Variants in FILIP1L observed in about 807,000 individuals in gnomAD.
The protein encoded by FILIP1L is filamin A interacting protein 1 like, also known as filamin A-interacting protein 1-like.
FILIP1L carries 55 observed loss-of-function variants against 96.6 expected under a neutral mutation model. The ratio of observed to expected loss-of-function variants is 0.57; its 90% CI spans 0.46 to 0.71. The LOEUF is 0.71. FILIP1L is among the 30% of genes least tolerant of loss of function. The pLI is 0.00. For missense variants in FILIP1L, 1,304 were observed against 1,321.2 expected (o/e 0.99, Z 0.20); for synonymous variants, 467 against 473.9 (o/e 0.99, Z 0.19).
intron 1 of FILIP1L, among the ~76,000 whole-genome samples, chr3:100,107,971 T>A (rs1454352573): frequency 6.6e-6 from 1 of 151,840 alleles, no homozygotes; most frequent in East Asian, 1.9e-4. Flanking sequence ...GTCAAGAAAA[T>A]TTCTGGTTTA....
intron 1 of FILIP1L, among the ~76,000 whole-genome samples, chr3:100,083,868 C>G (rs1382199036): frequency 6.6e-6 from 1 of 152,128 alleles, no homozygotes; most frequent in Non-Finnish European, 1.5e-5. Context: ...GCCACGGTGC[C>G]TGGCGTGATT....
In FILIP1L at chr3:99,832,105, T is replaced by G. The variant is rs145744825; in HGVS notation, c.3382-1500A>C. On this transcript the variant is annotated intron_variant, in intron 5 of 5. Transcript: ENST00000477258. ...GAAGGTTACTGGGCTCCTACTTGTT[T>G]CTACACCATTGATGTGCAAGCTTTT... 4.6e-3 allele frequency among the ~76,000 whole-genome samples: 695 copies of G among 152,352 alleles called. 2 individuals are homozygous for G. Among genetic ancestry groups the G allele is most frequent in the South Asian group, 7.0e-3 (34 of 4,828 alleles).
At chr3:100,073,903 A>C (rs1214210383) in intron 1 of FILIP1L, among the ~76,000 whole-genome samples, 4 of 152,000 alleles carry the variant, frequency 2.6e-5, no homozygotes, top group Admixed American at 6.5e-5. Context: ...CTTCCCTTTG[A>C]TTGCCCACTG....
chr3:100,102,172 T>A (rs1476228857), intron 1 of FILIP1L, among the ~76,000 whole-genome samples: 1 of 152,182 alleles, frequency 6.6e-6, no homozygotes, highest in African/African-American at 2.4e-5. Context: ...TATTTCTAGT[T>A]CTAGATCCCT....
intron 1 of FILIP1L, among the ~76,000 whole-genome samples, chr3:99,938,705 T>C (rs1707767074): frequency 6.6e-6 from 1 of 152,130 alleles, no homozygotes; most frequent in African/African-American, 2.4e-5. Flanking sequence ...TTATGGTAAA[T>C]GTGATTCATC....
intron 1 of FILIP1L, among the ~76,000 whole-genome samples, chr3:100,042,586 A>G (rs1329025274): frequency 6.6e-6 from 1 of 152,252 alleles, no homozygotes; most frequent in Non-Finnish European, 1.5e-5. Context: ...TATGGTTCAG[A>G]CATTGTTAAC....
chr3:100,069,211 G>A (rs539592140), intron 1 of FILIP1L, among the ~76,000 whole-genome samples: 21 of 152,178 alleles, frequency 1.4e-4, no homozygotes, highest in African/African-American at 4.3e-4. Context: ...CTTTAAAAAG[G>A]TGCAATTCTA....
intron 4 of FILIP1L, among the ~76,000 whole-genome samples, chr3:99,899,688 C>T (rs1486387191): frequency 2.6e-5 from 4 of 152,184 alleles, no homozygotes; most frequent in Non-Finnish European, 2.9e-5. Flanking sequence ...GGACTCCCAC[C>T]TCCTTGATTG....
chr3:99,865,478 T>A (rs1233354742), intron 4 of FILIP1L, among the ~76,000 whole-genome samples: 3 of 152,210 alleles, frequency 2.0e-5, no homozygotes, highest in Non-Finnish European at 2.9e-5. Flanking sequence ...TCCTATAGGT[T>A]CATGGCTACT....
chr3:99,833,532 C>T (rs1195067585), intron 5 of FILIP1L, among the ~76,000 whole-genome samples: 1 of 152,126 alleles, frequency 6.6e-6, no homozygotes, highest in Non-Finnish European at 1.5e-5. Context: ...CACAAATATA[C>T]CAGAACAAAA....
At chr3:99,893,163 T>C (rs1706140613) in intron 4 of FILIP1L, among the ~76,000 whole-genome samples, 1 of 79,146 alleles carries the variant, frequency 1.3e-5, no homozygotes, top group South Asian at 4.6e-4. Context: ...GCATCTAGAC[T>C]TTTTTTTTTT....
intron 4 of FILIP1L, among the ~76,000 whole-genome samples, chr3:99,862,241 G>A (rs1203756563): frequency 6.6e-6 from 1 of 152,056 alleles, no homozygotes; most frequent in Non-Finnish European, 1.5e-5. Flanking sequence ...AAAAATAAGT[G>A]CTACTTGCTT....
intron 4 of FILIP1L, among the ~76,000 whole-genome samples, chr3:99,863,244 TC>T (rs1944348602): frequency 6.6e-6 from 1 of 152,144 alleles, no homozygotes; most frequent in Non-Finnish European, 1.5e-5. Context: ...GGGTTCACAC[TC>T]CTATGAGAAC....
chr3:99,964,855 CTCTT>C (rs1482655843), intron 1 of FILIP1L, among the ~76,000 whole-genome samples: 1 of 152,128 alleles, frequency 6.6e-6, no homozygotes, highest in African/African-American at 2.4e-5. Context: ...TGTGGAAAAA[CTCTT>C]TCCTAAGTTA....
intron 1 of FILIP1L, among the ~76,000 whole-genome samples, chr3:99,996,037 T>C (rs1317434595): frequency 2.0e-5 from 3 of 152,228 alleles, no homozygotes; most frequent in African/African-American, 7.2e-5. Flanking sequence ...TGGCTTGAAT[T>C]CCGCCTCAGA....
chr3:99,851,805 CACA>C (rs753945624), intron 4 of FILIP1L, among the ~76,000 whole-genome samples: 3 of 152,180 alleles, frequency 2.0e-5, no homozygotes, highest in Non-Finnish European at 4.4e-5. Flanking sequence ...TTTGCACTAG[CACA>C]ACATTATTCT....
intron 1 of FILIP1L, among the ~76,000 whole-genome samples, chr3:100,100,202 T>C (rs1195636805): frequency 2.0e-5 from 3 of 152,108 alleles, no homozygotes; most frequent in African/African-American, 4.8e-5. Flanking sequence ...GGGGCACAAG[T>C]AGCCTTCTCC....
intron 1 of FILIP1L, among the ~76,000 whole-genome samples, chr3:100,003,228 A>T (rs1709893541): frequency 6.6e-6 from 1 of 152,224 alleles, no homozygotes; most frequent in South Asian, 2.1e-4. Context: ...CATACCAATG[A>T]CCATGTGGAG....
chr3:99,924,487 T>G (rs924744869), intron 3 of FILIP1L, 79 bp from the exon 4 acceptor site: 98 of 1,380,342 alleles, frequency 7.1e-5, no homozygotes, highest in Middle Eastern at 5.8e-4. Flanking sequence ...AATGTCCCTG[T>G]TTTGATTAAT....
Sources: allele counts gnomAD v4.1 joint callset (sites outside exome capture counted in the v4.1 genomes callset), GRCh38; gene constraint gnomAD v4.1.1; transcripts MANE v1.5; gene names NCBI Gene and HGNC (gene_info 2026-07-23, HGNC 2026-07-21).